The following DRC4 variants were observed in gnomAD, a reference collection of about 807,000 sequenced individuals.
The protein encoded by DRC4 is GAS-11.
the DRC4 span, chr16:90,031,552 C>T: frequency 1.3e-6 from 2 of 1,503,394 alleles, no homozygotes; most frequent in Non-Finnish European, 1.8e-6. Flanking sequence ...CCCAGAGGAG[C>T]TGGATCCAGT....
the DRC4 span, chr16:90,029,456 G>T: frequency 1.7e-6 from 1 of 601,758 alleles, no homozygotes; most frequent in Non-Finnish European, 2.6e-6. Flanking sequence ...TTGAGTGATG[G>T]CAAAATCTCA....
the DRC4 span, chr16:90,031,121 A>T: frequency 3.6e-6 from 5 of 1,399,014 alleles, no homozygotes; most frequent in African/African-American, 2.9e-5. Flanking sequence ...CCACCTGCTG[A>T]ATGCATTCTG....
At chr16:90,031,260 C>T in the DRC4 span, 3 of 1,609,042 alleles carry the variant, frequency 1.9e-6, no homozygotes, top group South Asian at 2.2e-5. Context: ...TGCATGGGCC[C>T]CTGCTCAGTG....
the DRC4 span, among the ~76,000 whole-genome samples, chr16:90,024,162 T>C: frequency 3.1e-5 from 3 of 97,266 alleles, no homozygotes; most frequent in Non-Finnish European, 7.1e-5. Context: ...ACACACAAAA[T>C]TAGCCGGGTG....
At chr16:90,036,770 C>T in the DRC4 span, 2,574 of 711,044 alleles carry the variant, frequency 3.6e-3, 14 homozygotes, top group Middle Eastern at 0.013. Context: ...CCTATCTCTA[C>T]CTATTGTTAA....
chr16:90,043,166 CA>C, the DRC4 span: 1 of 1,589,018 alleles, frequency 6.3e-7, no homozygotes, highest in Non-Finnish European at 8.6e-7. Flanking sequence ...TGGGGACCCT[CA>C]GCTCCCTGAC....
chr16:90,040,126 A>G, the DRC4 span: 1 of 651,820 alleles, frequency 1.5e-6, no homozygotes, highest in Non-Finnish European at 2.7e-6. Flanking sequence ...ATGGCTCTAC[A>G]AAGGGCCAGG....
chr16:90,037,692 G>C, the DRC4 span: 1 of 1,455,190 alleles, frequency 6.9e-7, no homozygotes, highest in Non-Finnish European at 9.6e-7. Context: ...CATCTCCCAG[G>C]AGCCCGTGTT....
chr16:90,033,098 C>A, the DRC4 span, among the ~76,000 whole-genome samples: 1 of 152,080 alleles, frequency 6.6e-6, no homozygotes, highest in African/African-American at 2.4e-5. Context: ...CCAAACAAAC[C>A]CCATTTTGGG....
At chr16:90,031,284 A>G in the DRC4 span, 12 of 1,611,062 alleles carry the variant, frequency 7.4e-6, no homozygotes, top group Non-Finnish European at 1.0e-5. Flanking sequence ...CACCTGACCC[A>G]CTGCACCTGG....
the DRC4 span, chr16:90,040,181 T>C: frequency 1.1e-6 from 1 of 925,320 alleles, no homozygotes; most frequent in Non-Finnish European, 1.7e-6. Flanking sequence ...GCTGTGGGAG[T>C]GGGCACTGTT....
chr16:90,031,374 C>T, the DRC4 span: 18 of 1,612,584 alleles, frequency 1.1e-5, no homozygotes, highest in African/African-American at 4.0e-5. Context: ...CCAGCTGGAG[C>T]GGGACAAGAT....
At chr16:90,036,170 A>G in the DRC4 span, 1 of 592,826 alleles carries the variant, frequency 1.7e-6, no homozygotes, top group African/African-American at 1.9e-5. Context: ...GTCACTGGCA[A>G]AGGCAGGCCG....
chr16:90,022,767 C>G, the DRC4 span: 1 of 1,338,092 alleles, frequency 7.5e-7, no homozygotes, highest in African/African-American at 1.5e-5. Flanking sequence ...CGGCAGGGGC[C>G]CGGAGACCTC....
the DRC4 span, among the ~76,000 whole-genome samples, chr16:90,041,404 G>C: frequency 6.6e-6 from 1 of 152,236 alleles, no homozygotes; most frequent in African/African-American, 2.4e-5. Flanking sequence ...GGGCCCAGCA[G>C]TGCCCCACAG....
chr16:90,036,048 A>G, the DRC4 span: 2 of 734,566 alleles, frequency 2.7e-6, no homozygotes, highest in East Asian at 3.3e-5. Context: ...GTGTTTTACT[A>G]ATAAAGGCTG....
the DRC4 span, chr16:90,031,178 G>T: frequency 6.5e-7 from 1 of 1,531,866 alleles, no homozygotes; most frequent in Non-Finnish European, 8.8e-7. Flanking sequence ...ACATTTAGCT[G>T]TTTATTTTTA....
At chr16:90,042,689 C>T in the DRC4 span, among the ~76,000 whole-genome samples, 5 of 152,142 alleles carry the variant, frequency 3.3e-5, no homozygotes, top group Admixed American at 6.5e-5. Flanking sequence ...CAGTCATAGC[C>T]GAGAGCATCT....
At chr16:90,029,572 T>C in the DRC4 span, 2 of 304,332 alleles carry the variant, frequency 6.6e-6, no homozygotes, top group Admixed American at 5.1e-5. Context: ...GCCGAGGCAC[T>C]GGTTGGATTC....
Sources: allele counts gnomAD v4.1 joint callset (sites outside exome capture counted in the v4.1 genomes callset), GRCh38; gene constraint gnomAD v4.1.1; transcripts MANE v1.5; gene names NCBI Gene and HGNC (gene_info 2026-07-23, HGNC 2026-07-21).